The following FNBP1 variants were observed in gnomAD, a reference collection of about 807,000 sequenced individuals.
FNBP1 encodes formin binding protein 1.
FNBP1 carries 26 observed loss-of-function variants against 90.6 expected under a neutral mutation model. The observed-to-expected ratio is 0.29, with a 90% CI of 0.21 to 0.40. The LOEUF (loss-of-function observed/expected upper bound fraction) is 0.40. Ranked by LOEUF, FNBP1 falls within the 10% of genes least tolerant of loss-of-function variation. The probability of loss-of-function intolerance (pLI) is 1.00; values close to 1 mark genes in which losing one functional copy is unlikely to be tolerated. For missense variants in FNBP1, 635 were observed against 768.0 expected (o/e 0.83, Z 2.05); for synonymous variants, 260 against 265.2 (o/e 0.98, Z 0.19).
intron 6 of FNBP1, among the ~76,000 whole-genome samples, chr9:129,944,006 A>AAAAAAAC (rs1248326821): frequency 2.0e-5 from 3 of 150,298 alleles, no homozygotes; most frequent in Admixed American, 6.6e-5. Context: ...AAAAAAAAAA[A>AAAAAAAC]AAACCTGCTA....
At chr9:129,891,411 G>C (rs1273541795) in intron 16 of FNBP1, among the ~76,000 whole-genome samples, 1 of 152,138 alleles carries the variant, frequency 6.6e-6, no homozygotes, top group Non-Finnish European at 1.5e-5. Context: ...GCTGCAGCGA[G>C]CCAGGATCAC....
chr9:129,945,872 TA>T (rs1156548724), intron 6 of FNBP1, among the ~76,000 whole-genome samples: 1 of 152,094 alleles, frequency 6.6e-6, no homozygotes. Context: ...TATAACACAT[TA>T]AAAATTACAT....
chr9:129,982,493 G>A (rs564191055), intron 2 of FNBP1, among the ~76,000 whole-genome samples: 214 of 151,750 alleles, frequency 1.4e-3, no homozygotes, highest in Middle Eastern at 0.01. Flanking sequence ...AAGAAAGAAA[G>A]AAAAAAAGAA....
intron 6 of FNBP1, among the ~76,000 whole-genome samples, chr9:129,950,288 C>T (rs1459146552): frequency 6.6e-6 from 1 of 152,184 alleles, no homozygotes; most frequent in Non-Finnish European, 1.5e-5. Context: ...GCTGCTCCCT[C>T]AGCTTCAATG....
At chr9:129,983,546 C>T (rs562036965) in intron 2 of FNBP1, among the ~76,000 whole-genome samples, 1 of 152,154 alleles carries the variant, frequency 6.6e-6, no homozygotes, top group Admixed American at 6.6e-5. Flanking sequence ...TTCGTTCAGG[C>T]GCGGTGGCTC....
chr9:129,929,504 G>A (rs933801951), intron 7 of FNBP1, 63 bp downstream of exon 7: 1 of 1,478,374 alleles, frequency 6.8e-7, no homozygotes, highest in Non-Finnish European at 9.4e-7. Context: ...CGATTCAGAA[G>A]TGTCATGTTT....
chr9:130,053,359 A>T, the FNBP1 span: 1 of 153,788 alleles, frequency 6.5e-6, no homozygotes, highest in Non-Finnish European at 1.5e-5. Flanking sequence ...TAGCTCATCA[A>T]ATTGTTCCAA....
At chr9:129,926,842 C>T (rs1227416712) in intron 8 of FNBP1, among the ~76,000 whole-genome samples, 3 of 150,298 alleles carry the variant, frequency 2.0e-5, no homozygotes, top group East Asian at 2.0e-4. Flanking sequence ...CCCAAGATCA[C>T]GCCACTGCAC....
intron 1 of FNBP1, among the ~76,000 whole-genome samples, chr9:130,024,009 A>C (rs1247524584): frequency 6.6e-6 from 1 of 152,034 alleles, no homozygotes; most frequent in African/African-American, 2.4e-5. Context: ...ACATACATAT[A>C]ACCTTTAGGT....
chr9:130,049,447 C>T, the FNBP1 span, among the ~76,000 whole-genome samples: 3 of 152,070 alleles, frequency 2.0e-5, no homozygotes, highest in African/African-American at 4.8e-5. Context: ...AGAAAGGTGG[C>T]TTATGCCTAT....
chr9:129,924,730 C>CT (rs1317664560), intron 9 of FNBP1, among the ~76,000 whole-genome samples: 1 of 151,758 alleles, frequency 6.6e-6, no homozygotes, highest in African/African-American at 2.4e-5. Flanking sequence ...GGTCAGTACT[C>CT]TGTTAGTGTG....
intron 2 of FNBP1, among the ~76,000 whole-genome samples, chr9:129,990,258 T>G (rs949405553): frequency 6.6e-6 from 1 of 152,098 alleles, no homozygotes; most frequent in African/African-American, 2.4e-5. Context: ...TTTTCAAAAC[T>G]AAACAAGAAA....
rs535407897 is a variant in FNBP1 at position 129,900,975 on chromosome 9, C to T, written c.1429-428G>A. ...GGTACAGCCATGCTTAAAGCAGTGA[C>T]TCAGTTTGAAAGCCACACTTCCTAT... On this transcript the variant is annotated intron_variant, in intron 13 of 16. Transcript: ENST00000446176. This position sits in a 1 kb window ranked among gnomAD's most constrained non-coding sequence, Gnocchi z 4.1. 5.3e-4 allele frequency among the ~76,000 whole-genome samples: 81 copies of T among 152,058 alleles called. No individual in the cohort carries two copies. The highest frequency in any genetic ancestry group is 1.9e-3 in the African/African-American group (77 of 41,506).
chr9:130,027,174 C>T (rs80345871), intron 1 of FNBP1, among the ~76,000 whole-genome samples: 3,447 of 152,006 alleles, frequency 0.023, 133 homozygotes, highest in African/African-American at 0.079. Flanking sequence ...TGTAAAAACC[C>T]TGAGATTTTA....
intron 6 of FNBP1, among the ~76,000 whole-genome samples, chr9:129,937,294 A>G (rs1352479788): frequency 6.6e-6 from 1 of 152,240 alleles, no homozygotes; most frequent in Non-Finnish European, 1.5e-5. Flanking sequence ...GCTGTTTATA[A>G]TAGCCAATAA....
the FNBP1 span, among the ~76,000 whole-genome samples, chr9:130,050,761 C>T: frequency 6.6e-6 from 1 of 151,656 alleles, no homozygotes; most frequent in Non-Finnish European, 1.5e-5. Flanking sequence ...ACCTCTCTGC[C>T]TCCTGAGTAG....
At chr9:129,961,571 T>C (rs76872473) in intron 4 of FNBP1, among the ~76,000 whole-genome samples, 2,202 of 152,218 alleles carry the variant, frequency 0.014, 15 homozygotes, top group Middle Eastern at 0.02. Flanking sequence ...AAATCCTTTA[T>C]ATATTTTATT....
At chr9:129,945,185 C>A (rs2045053469) in intron 6 of FNBP1, among the ~76,000 whole-genome samples, 1 of 152,128 alleles carries the variant, frequency 6.6e-6, no homozygotes, top group South Asian at 2.1e-4. Context: ...TTTCTAGAAT[C>A]TTTCATTTGA....
At chr9:130,007,977 G>GC (rs1257156837) in intron 1 of FNBP1, among the ~76,000 whole-genome samples, 1 of 129,288 alleles carries the variant, frequency 7.7e-6, no homozygotes, top group East Asian at 2.4e-4. Context: ...CAGCTTGGGT[G>GC]ACAGAGTGAG....
Sources: gnomAD v4.1 joint callset for allele counts (sites outside exome capture counted in the v4.1 genomes callset) on GRCh38, gnomAD v4.1.1 for gene constraint, Gnocchi (gnomAD v3.1) non-coding constraint, MANE v1.5 for transcripts, NCBI Gene and HGNC (gene_info 2026-07-23, HGNC 2026-07-21) for gene names.